The following PDE8B variants were observed in gnomAD, a reference collection of about 807,000 sequenced individuals.
PDE8B encodes the protein high affinity cAMP-specific and IBMX-insensitive 3',5'-cyclic phosphodiesterase 8B.
Under a neutral mutation model 101.3 loss-of-function variants are expected in PDE8B, and 26 were observed. The observed-to-expected ratio is 0.26, with a 90% CI of 0.19 to 0.36. The LOEUF (loss-of-function observed/expected upper bound fraction) is 0.36. PDE8B is among the 10% of genes least tolerant of loss of function. The probability of loss-of-function intolerance (pLI) is 1.00; values close to 1 mark genes in which losing one functional copy is unlikely to be tolerated. For missense variants in PDE8B, 810 were observed against 1,163.1 expected, an observed-to-expected ratio of 0.70 and a Z score of 4.42; for synonymous variants, 424 against 429.3, an observed-to-expected ratio of 0.99 and a Z score of 0.15.
the PDE8B span, among the ~76,000 whole-genome samples, chr5:77,117,361 A>C: frequency 6.6e-6 from 1 of 152,158 alleles, no homozygotes; most frequent in Admixed American, 6.5e-5. Context: ...CATGTTCAGG[A>C]TGAGGAAGTC....
intron 1 of PDE8B, among the ~76,000 whole-genome samples, chr5:77,277,158 TG>T (rs1331306497): frequency 6.6e-6 from 1 of 152,232 alleles, no homozygotes; most frequent in African/African-American, 2.4e-5. Flanking sequence ...AGGAGATTTT[TG>T]GAAAATTGCA....
At chr5:77,227,954 C>G (rs1405075154) in intron 1 of PDE8B, among the ~76,000 whole-genome samples, 1 of 152,156 alleles carries the variant, frequency 6.6e-6, no homozygotes, top group African/African-American at 2.4e-5. Flanking sequence ...GGGCTTAAGA[C>G]ACCCACATTT....
intron 1 of PDE8B, among the ~76,000 whole-genome samples, chr5:77,213,199 G>A (rs557960855): frequency 9.8e-5 from 15 of 152,320 alleles, no homozygotes; most frequent in Admixed American, 4.6e-4. Context: ...GTATTAAAAG[G>A]CTTGACCTGG....
At chr5:77,184,915 A>C in the PDE8B span, among the ~76,000 whole-genome samples, 2 of 152,246 alleles carry the variant, frequency 1.3e-5, no homozygotes, top group African/African-American at 2.4e-5. Context: ...AAAGCAGGTT[A>C]GCAGAGTGCC....
chr5:77,279,876 C>T lies in PDE8B; in HGVS notation c.340-32118C>T, dbSNP rs550831837. Among the ~76,000 whole-genome samples, 15 of 152,270 alleles carry T rather than the reference C, an allele frequency of 9.9e-5. No homozygotes were observed. In the South Asian group the frequency reaches 1.9e-3, roughly 19 times the overall value. On this transcript the variant is annotated intron_variant, in intron 1 of 21. Coordinates refer to ENST00000264917, the MANE Select transcript of PDE8B (RefSeq NM_003719.5). ...GGGTTGTCCAGGGGCACAAGTGAGGCGAGGGAGGCAGAGCATCCTTGTCTT... is the reference window on the plus strand; with the variant it reads ...GGGTTGTCCAGGGGCACAAGTGAGGTGAGGGAGGCAGAGCATCCTTGTCTT...
At chr5:77,385,530 G>A (rs1394118667) in intron 10 of PDE8B, among the ~76,000 whole-genome samples, 1 of 149,394 alleles carries the variant, frequency 6.7e-6, no homozygotes, top group Non-Finnish European at 1.5e-5. Flanking sequence ...TTTTGAATTT[G>A]TTTGCTCTTC....
In PDE8B at chr5:77,422,091, G is replaced by A. The variant is rs1796770033; in HGVS notation, c.2418+103G>A. Reference sequence around the variant, plus strand: ...CAGCTGAGTAACTTTTTACCAATTAGTTAACCACTCCTCCCTGGAAGAAAG... The same window carrying A: ...CAGCTGAGTAACTTTTTACCAATTAATTAACCACTCCTCCCTGGAAGAAAG... On this transcript the variant is annotated intron_variant, in intron 20 of 21. Coordinates refer to ENST00000264917, the MANE Select transcript of PDE8B (RefSeq NM_003719.5). 5.7e-6 allele frequency: 7 copies of A among 1,217,724 alleles called. No homozygotes were observed. In the South Asian group the frequency reaches 7.8e-5, roughly 14 times the overall value. The allele number at this position is 1,217,724 out of a possible 1,614,324, so 75.4% of individuals were successfully genotyped here.
chr5:77,338,866 A>AT (rs1285015102), intron 6 of PDE8B, among the ~76,000 whole-genome samples: 11 of 152,292 alleles, frequency 7.2e-5, no homozygotes, highest in African/African-American at 2.6e-4. Flanking sequence ...CCATTATTTG[A>AT]TTTTAAATAA....
Position 77,301,046 on chromosome 5 carries a change from G to A in PDE8B, c.340-10948G>A, listed in dbSNP as rs142776906. ...TACCCCTGGGGCCATCTAATCTTTG[G>A]ACTTGGTGACTGAAGGTCATGGTTC... On this transcript the variant is annotated intron_variant, in intron 1 of 21. Transcript: ENST00000264917. Among the ~76,000 whole-genome samples the A allele has an allele frequency of 7.5e-4, 115 of 152,318 alleles. 2 individuals are homozygous for A. The East Asian group carries it at 0.015, about 20-fold the overall frequency.
chr5:77,094,309 C>T, the PDE8B span, among the ~76,000 whole-genome samples: 1 of 152,006 alleles, frequency 6.6e-6, no homozygotes, highest in Non-Finnish European at 1.5e-5. Context: ...AAAATGGGTA[C>T]ACTTTACATA....
intron 1 of PDE8B, among the ~76,000 whole-genome samples, chr5:77,239,549 T>C (rs1755325610): frequency 6.6e-6 from 1 of 152,246 alleles, no homozygotes; most frequent in African/African-American, 2.4e-5. Flanking sequence ...TTCTTTTCTC[T>C]AATTCTTTGT....
Position 77,412,289 on chromosome 5 carries a change from T to G in PDE8B, c.1712+54T>G. On this transcript the variant is annotated intron_variant, in intron 16 of 21. Transcript: ENST00000264917. ...GCAGGATTGATGGCCATGCTCAAAC[T>G]CTCACATTTGGAAACTTTGAGGGAG... is the stretch of plus-strand genomic sequence containing the variant. The G allele has an allele frequency of 1.9e-6, 3 of 1,597,190 alleles. No individual in the cohort carries two copies. In the South Asian group the frequency reaches 3.3e-5, roughly 18 times the overall value.
At chr5:77,222,839 G>A (rs1751464744) in intron 1 of PDE8B, among the ~76,000 whole-genome samples, 1 of 152,162 alleles carries the variant, frequency 6.6e-6, no homozygotes, top group Admixed American at 6.5e-5. Context: ...CACAGGCAGG[G>A]GCCAGAGGCA....
chr5:77,368,706 C>T (rs988306465), intron 10 of PDE8B, among the ~76,000 whole-genome samples: 9 of 152,142 alleles, frequency 5.9e-5, no homozygotes, highest in African/African-American at 2.2e-4. Context: ...AATTAGATTA[C>T]CTGAAATTAT....
chr5:77,400,369 C>T (rs898918904), intron 11 of PDE8B, 79 bp downstream of exon 11: 3 of 940,888 alleles, frequency 3.2e-6, no homozygotes, highest in Non-Finnish European at 3.5e-6. Context: ...CTGAAGAAGT[C>T]TAAGTTGACA....
At chr5:77,288,229 T>C (rs1328720496) in intron 1 of PDE8B, among the ~76,000 whole-genome samples, 3 of 152,132 alleles carry the variant, frequency 2.0e-5, no homozygotes, top group Non-Finnish European at 4.4e-5. Context: ...CTAACATGTT[T>C]GCCAAGGTCC....
At chr5:77,375,160 G>A (rs961379730) in intron 10 of PDE8B, among the ~76,000 whole-genome samples, 2 of 152,206 alleles carry the variant, frequency 1.3e-5, no homozygotes, top group Non-Finnish European at 2.9e-5. Flanking sequence ...GCTCTCAGCT[G>A]TGTTTCTAGG....
At chr5:77,163,916 C>T in the PDE8B span, among the ~76,000 whole-genome samples, 1 of 152,164 alleles carries the variant, frequency 6.6e-6, no homozygotes, top group South Asian at 2.1e-4. Context: ...CCTTGTGACC[C>T]CATGGCCTTG....
intron 10 of PDE8B, among the ~76,000 whole-genome samples, chr5:77,378,856 C>A (rs540446084): frequency 7.4e-4 from 113 of 152,322 alleles, no homozygotes; most frequent in Admixed American, 1.6e-3. Flanking sequence ...GATTTTGATT[C>A]ATGCATAAGT....
Sources: allele counts gnomAD v4.1 joint callset (sites outside exome capture counted in the v4.1 genomes callset), GRCh38; gene constraint gnomAD v4.1.1; transcripts MANE v1.5; gene names NCBI Gene and HGNC (gene_info 2026-07-23, HGNC 2026-07-21).